TNKS: variants seen among roughly 807,000 people sequenced by gnomAD.
TNKS encodes the protein tankyrase.
TNKS carries 72 observed loss-of-function variants against 135.8 expected under a neutral mutation model. The ratio of observed to expected loss-of-function variants is 0.53; its 90% CI spans 0.44 to 0.64. The LOEUF (loss-of-function observed/expected upper bound fraction) is 0.64. Ranked by LOEUF, TNKS falls within the 30% of genes least tolerant of loss-of-function variation. The probability of loss-of-function intolerance (pLI) is 0.00; values close to 1 mark genes in which losing one functional copy is unlikely to be tolerated. For missense variants in TNKS, 1,769 were observed against 1,674.0 expected, an observed-to-expected ratio of 1.06 and a Z score of -0.99; for synonymous variants, 849 against 649.3, an observed-to-expected ratio of 1.31 and a Z score of -4.68.
rs932480802 is a variant in TNKS at position 9,601,953 on chromosome 8, G to A, written c.899-13629G>A. Among the ~76,000 whole-genome samples, 11 of 152,258 alleles carry A rather than the reference G, an allele frequency of 7.2e-5. No individual in the cohort carries two copies. The East Asian group carries it at 2.1e-3, about 29-fold the overall frequency. ...CAGAGGCCCGGGAGAAGCCTTGCAT[G>A]TGTATGAGGAGGTGGGGACGGGTCC... On this transcript the variant is annotated intron_variant, in intron 2 of 26. Transcript: ENST00000310430.
rs1392918886 is a variant in TNKS at position 9,778,982 on chromosome 8, A to C, written c.*2246A>C. The C allele has an allele frequency of 6.6e-6, 1 of 152,188 alleles. No homozygotes were observed. Among genetic ancestry groups the C allele is most frequent in the African/African-American group, 2.4e-5 (1 of 41,446 alleles). The allele number at this position is 152,188 out of a possible 1,614,324, so 9.4% of individuals were successfully genotyped here. On this transcript the variant is annotated 3_prime_UTR_variant, in exon 27 of 27. Coordinates refer to ENST00000310430, the MANE Select transcript of TNKS (RefSeq NM_003747.3). ...TTGGTCCTTACACTTGAGAAGTTAA[A>C]CTGTGGTTCAGTATTTAAACTGCCA...
At chr8:9,604,423 CT>C (rs1238405500) in intron 2 of TNKS, among the ~76,000 whole-genome samples, 4 of 151,956 alleles carry the variant, frequency 2.6e-5, no homozygotes, top group African/African-American at 9.7e-5. Flanking sequence ...AAAATAATTG[CT>C]TTTTGCAAGT....
intron 3 of TNKS, among the ~76,000 whole-genome samples, chr8:9,620,651 C>A (rs1341319825): frequency 6.6e-6 from 1 of 152,116 alleles, no homozygotes; most frequent in Admixed American, 6.5e-5. Context: ...TGGCTGTTTG[C>A]TGCCCCTCAA....
At chr8:9,567,466 A>T (rs1388076461) in intron 1 of TNKS, among the ~76,000 whole-genome samples, 1 of 152,164 alleles carries the variant, frequency 6.6e-6, no homozygotes, top group African/African-American at 2.4e-5. Flanking sequence ...CCCAGGCTGG[A>T]GCGCAGTGGC....
At chr8:9,635,138 C>G (rs1170289281) in intron 3 of TNKS, among the ~76,000 whole-genome samples, 3 of 151,682 alleles carry the variant, frequency 2.0e-5, no homozygotes, top group Non-Finnish European at 4.4e-5. Context: ...CCACTGCACT[C>G]CAGCCTGGAC....
chr8:9,681,543 T>G (rs955476149), intron 5 of TNKS, among the ~76,000 whole-genome samples: 5 of 151,254 alleles, frequency 3.3e-5, no homozygotes, highest in Admixed American at 2.6e-4. Flanking sequence ...ATAAAGTTGG[T>G]TTTTTTTTAA....
At chr8:9,761,804 A>C (rs564731785) in intron 21 of TNKS, among the ~76,000 whole-genome samples, 168 bp downstream of exon 21, 88 of 152,244 alleles carry the variant, frequency 5.8e-4, no homozygotes, top group African/African-American at 2.1e-3. Flanking sequence ...CTCTAGCTGG[A>C]AAAATCTGAG....
intron 3 of TNKS, among the ~76,000 whole-genome samples, chr8:9,624,737 C>T (rs536179874): frequency 2.6e-5 from 4 of 152,162 alleles, no homozygotes; most frequent in Middle Eastern, 3.4e-3. Context: ...GTTAGTAATA[C>T]ATTCGGCCCT....
At chr8:9,718,355 T>G (rs1416345072) in intron 11 of TNKS, among the ~76,000 whole-genome samples, 1 of 152,140 alleles carries the variant, frequency 6.6e-6, no homozygotes, top group Non-Finnish European at 1.5e-5. Flanking sequence ...TGTGATTAAT[T>G]ACCAAATGAG....
intron 2 of TNKS, among the ~76,000 whole-genome samples, chr8:9,580,851 G>A (rs1261180346): frequency 6.6e-6 from 1 of 152,096 alleles, no homozygotes; most frequent in African/African-American, 2.4e-5. Context: ...GTTTCAATAT[G>A]TGCCATAGTC....
chr8:9,708,323 T>C, intron 8 of TNKS, 48 bp from the exon 9 acceptor site: 2 of 1,433,756 alleles, frequency 1.4e-6, no homozygotes, highest in Non-Finnish European at 1.9e-6. Flanking sequence ...TGAAGATTTT[T>C]ATACATTTTT....
At chr8:9,744,463 C>T (rs1434747135) in intron 17 of TNKS, among the ~76,000 whole-genome samples, 4 of 152,166 alleles carry the variant, frequency 2.6e-5, no homozygotes, top group Non-Finnish European at 5.9e-5. Flanking sequence ...TGAAGCCAAG[C>T]ATGTTTCTCT....
chr8:9,615,168 G>C, intron 2 of TNKS: 1 of 160,294 alleles, frequency 6.2e-6, no homozygotes, highest in Non-Finnish European at 1.4e-5. Flanking sequence ...CTGAGGAGAG[G>C]AGGCATTTGG....
At chr8:9,631,850 G>A (rs2128771963) in intron 3 of TNKS, among the ~76,000 whole-genome samples, 1 of 151,982 alleles carries the variant, frequency 6.6e-6, no homozygotes, top group Non-Finnish European at 1.5e-5. Context: ...CTAAGAAATG[G>A]CAGCTGAGAT....
intron 3 of TNKS, among the ~76,000 whole-genome samples, chr8:9,660,398 TG>T: frequency 6.6e-6 from 1 of 152,328 alleles, no homozygotes; most frequent in African/African-American, 2.4e-5. Flanking sequence ...CATGATCAAG[TG>T]GGCTTCATCC....
intron 16 of TNKS, 114 bp from the exon 17 acceptor site, chr8:9,735,263 G>C: frequency 8.8e-7 from 1 of 1,133,012 alleles, no homozygotes; most frequent in Non-Finnish European, 1.3e-6. Context: ...AACAGTATTA[G>C]CTTTTGAAGC....
intron 20 of TNKS, among the ~76,000 whole-genome samples, chr8:9,757,263 C>T (rs1042413308): frequency 6.6e-6 from 1 of 152,190 alleles, no homozygotes; most frequent in Admixed American, 6.5e-5. Context: ...GCATGAGCCA[C>T]CACACCTGGC....
chr8:9,758,657 G>A (rs955249196), intron 20 of TNKS, among the ~76,000 whole-genome samples: 1 of 152,218 alleles, frequency 6.6e-6, no homozygotes, highest in Non-Finnish European at 1.5e-5. Context: ...CAGGTCTGCA[G>A]TCTCACCTGG....
intron 2 of TNKS, among the ~76,000 whole-genome samples, chr8:9,605,362 T>G (rs1363190456): frequency 6.6e-6 from 1 of 152,120 alleles, no homozygotes; most frequent in Non-Finnish European, 1.5e-5. Context: ...CTGAGTAGTA[T>G]TCTGTTGTAT....
Sources: gnomAD v4.1 joint callset for allele counts (sites outside exome capture counted in the v4.1 genomes callset) on GRCh38, gnomAD v4.1.1 for gene constraint, MANE v1.5 for transcripts, NCBI Gene and HGNC (gene_info 2026-07-23, HGNC 2026-07-21) for gene names.